Variants in AGPAT4 observed in about 807,000 individuals in gnomAD.
AGPAT4 encodes 1-acyl-sn-glycerol-3-phosphate acyltransferase delta.
In AGPAT4, 15 loss-of-function variants were observed where a neutral mutation model predicts 48.0. The ratio of observed to expected loss-of-function variants is 0.31; its 90% CI spans 0.21 to 0.48. The LOEUF (loss-of-function observed/expected upper bound fraction) is 0.48, where lower values mean the gene tolerates loss of function less well. Ranked by LOEUF, AGPAT4 falls within the 20% of genes least tolerant of loss-of-function variation. The pLI is 0.99. For missense variants in AGPAT4, 314 were observed against 482.5 expected (o/e 0.65, Z 3.27); for synonymous variants, 178 against 198.7 (o/e 0.90, Z 0.88).
In AGPAT4 at chr6:161,139,704, G is replaced by A. The variant is rs1319086269; in HGVS notation, c.844-84C>T. 14 of 1,278,722 alleles carry A rather than the reference G, an allele frequency of 1.1e-5. No individual in the cohort carries two copies. Among genetic ancestry groups the A allele is most frequent in the African/African-American group, 4.5e-5 (3 of 67,148 alleles). The allele number at this position is 1,278,722 out of a possible 1,614,324, so 79.2% of individuals were successfully genotyped here. A position where few individuals can be genotyped will look rare whatever the true frequency, so the allele number is the denominator to read the frequency against. Reference sequence around the variant, plus strand: ...CCGAGGCCCTGCTTCCAAGGGAATCGCAGAGATACACAGGTGCCACCGGGG... The same window carrying A: ...CCGAGGCCCTGCTTCCAAGGGAATCACAGAGATACACAGGTGCCACCGGGG... On this transcript the variant is annotated intron_variant, in intron 7 of 8. Coordinates refer to ENST00000320285, the MANE Select transcript of AGPAT4 (RefSeq NM_020133.3). The surrounding 1 kb of genome is among the most constrained non-coding windows in gnomAD (Gnocchi z 9.1).
chr6:161,144,986 A>AT lies in AGPAT4; in HGVS notation c.843+1537_843+1538insA, dbSNP rs1779375077. Among the ~76,000 whole-genome samples the AT allele has an allele frequency of 1.3e-5, 2 of 151,720 alleles. No individual in the cohort carries two copies. Among genetic ancestry groups the AT allele is most frequent in the Admixed American group, 6.5e-5 (1 of 15,284 alleles). The stretch of plus-strand genomic sequence containing the variant: ...ACAGAGTGAAACTCAGTCTCAAAAA[A>AT]AAAAAATAAAAAAAGTAACATTTTA... On this transcript the variant is annotated intron_variant, in intron 7 of 8. Coordinates refer to ENST00000320285, the MANE Select transcript of AGPAT4 (RefSeq NM_020133.3). The surrounding 1 kb of genome is among the most constrained non-coding windows in gnomAD (Gnocchi z 6.6).
rs573719167 is a variant in AGPAT4 at position 161,216,215 on chromosome 6, G to A, written c.178+15821C>T. ...GTCTCTGAAAGGGTTCTGAACCCAC[G>A]TTGGGGTTGGGTGGGAATAACTCAA... On this transcript the variant is annotated intron_variant, in intron 2 of 8. Coordinates refer to ENST00000320285, the MANE Select transcript of AGPAT4 (RefSeq NM_020133.3). The surrounding 1 kb of genome is among the most constrained non-coding windows in gnomAD (Gnocchi z 4.8). Among the ~76,000 whole-genome samples, 2 of 152,298 alleles carry A rather than the reference G, an allele frequency of 1.3e-5. No individual in the cohort carries two copies. Among genetic ancestry groups the A allele is most frequent in the South Asian group, 2.1e-4 (1 of 4,818 alleles).
chr6:161,170,467 G>GCACA (rs1491174141), intron 2 of AGPAT4, among the ~76,000 whole-genome samples: 2 of 22,256 alleles, frequency 9.0e-5, no homozygotes, highest in African/African-American at 2.3e-4. Flanking sequence ...GCACACGTGC[G>GCACA]CGCGCGCACA....
rs1046229852 is a variant in AGPAT4, at chr6:161,266,037, G to A, written c.-90+7901C>T. ...ATTCCTGAGTGTACCTGACAGAGCCGGGAATTCCCCCTCAAGCAGTGGTTC... is the reference window on the plus strand; with the variant it reads ...ATTCCTGAGTGTACCTGACAGAGCCAGGAATTCCCCCTCAAGCAGTGGTTC... On this transcript the variant is annotated intron_variant, in intron 1 of 8. Coordinates refer to ENST00000320285, the MANE Select transcript of AGPAT4 (RefSeq NM_020133.3). This position sits in a 1 kb window ranked among gnomAD's most constrained non-coding sequence, Gnocchi z 6.2. 9.9e-5 allele frequency among the ~76,000 whole-genome samples: 15 copies of A among 152,206 alleles called. No individual in the cohort carries two copies. The highest frequency in any genetic ancestry group is 2.4e-4 in the African/African-American group (10 of 41,536).
chr6:161,163,940 G>A (rs2114977561), intron 3 of AGPAT4, among the ~76,000 whole-genome samples: 1 of 152,314 alleles, frequency 6.6e-6, no homozygotes, highest in African/African-American at 2.4e-5. Context: ...CAGTGGCAGG[G>A]CGCAGACCCC....
chr6:161,172,942 C>T (rs1780314904), intron 2 of AGPAT4, among the ~76,000 whole-genome samples: 1 of 152,142 alleles, frequency 6.6e-6, no homozygotes, highest in Non-Finnish European at 1.5e-5. Context: ...TGGTTTCCAG[C>T]TTCATCCATA....
intron 2 of AGPAT4, among the ~76,000 whole-genome samples, chr6:161,224,260 T>C (rs950218893): frequency 1.3e-4 from 20 of 152,176 alleles, no homozygotes; most frequent in African/African-American, 4.6e-4. Context: ...AAACATGGGA[T>C]GGATGGATGG....
At chr6:161,168,254 G>A (rs991790874) in intron 2 of AGPAT4, among the ~76,000 whole-genome samples, 2 of 152,158 alleles carry the variant, frequency 1.3e-5, no homozygotes, top group African/African-American at 4.8e-5. Context: ...CCAAGCCCGA[G>A]GATGGGAAGG....
rs12202278 is a variant in AGPAT4, at chr6:161,234,918, C to T, written c.-89-2616G>A. The stretch of plus-strand genomic sequence containing the variant: ...ATTTCAAGGTAAATTGAAATTTTAC[C>T]GTGCGTAAAACCCTCACTAGCAATG... On this transcript the variant is annotated intron_variant, in intron 1 of 8. Transcript: ENST00000320285. This position sits in a 1 kb window ranked among gnomAD's most constrained non-coding sequence, Gnocchi z 4.4. Among the ~76,000 whole-genome samples the T allele has an allele frequency of 0.11, 15,952 of 151,648 alleles. 1,109 individuals carry two copies. Among genetic ancestry groups the T allele is most frequent in the Non-Finnish European group, 0.16 (10,779 of 67,946 alleles).
rs545006658 is a variant in AGPAT4, at chr6:161,242,961, A to C, written c.-89-10659T>G. 3.3e-5 allele frequency among the ~76,000 whole-genome samples: 5 copies of C among 151,992 alleles called. No homozygotes were observed. The highest frequency in any genetic ancestry group is 7.4e-5 in the Non-Finnish European group (5 of 68,000). Reference sequence around the variant, plus strand: ...CACGTGCCTCCCAGCTACTCGGGAGACTGAAGCAGGAGAATTGATTGAACC... The same window carrying C: ...CACGTGCCTCCCAGCTACTCGGGAGCCTGAAGCAGGAGAATTGATTGAACC... On this transcript the variant is annotated intron_variant, in intron 1 of 8. Transcript: ENST00000320285. The surrounding 1 kb of genome is among the most constrained non-coding windows in gnomAD (Gnocchi z 5.0).
At position 161,206,674 on chromosome 6, in the gene AGPAT4, A is replaced by G. The variant is rs897071930; in HGVS notation, c.178+25362T>C. 6.0e-5 allele frequency among the ~76,000 whole-genome samples: 9 copies of G among 149,512 alleles called. No individual in the cohort carries two copies. The highest frequency in any genetic ancestry group is 2.0e-4 in the African/African-American group (8 of 39,632). ...CAAGGACCAGGAAAATCACAACTTG[A>G]AAGAGAAAAAGACAATTGACACATG... On this transcript the variant is annotated intron_variant, in intron 2 of 8. Coordinates refer to ENST00000320285, the MANE Select transcript of AGPAT4 (RefSeq NM_020133.3). This position sits in a 1 kb window ranked among gnomAD's most constrained non-coding sequence, Gnocchi z 4.8.
chr6:161,174,837 T>C (rs1032296707), intron 2 of AGPAT4, among the ~76,000 whole-genome samples: 2 of 152,228 alleles, frequency 1.3e-5, no homozygotes, highest in South Asian at 2.1e-4. Context: ...ACCTAGTTTA[T>C]TGAGAGTTTT....
chr6:161,264,877 A>AC lies in AGPAT4; in HGVS notation c.-90+9060dup, dbSNP rs533003145. Among the ~76,000 whole-genome samples the AC allele has an allele frequency of 3.9e-5, 6 of 151,976 alleles. No individual in the cohort carries two copies. Among genetic ancestry groups the AC allele is most frequent in the Non-Finnish European group, 8.8e-5 (6 of 67,946 alleles). ...AGGGTCACCCAGGACTAGTTATGGG[A>AC]CCCCTAGAGTCCCCCAGGGCTGGGG... On this transcript the variant is annotated intron_variant, in intron 1 of 8. Transcript: ENST00000320285. This position sits in a 1 kb window ranked among gnomAD's most constrained non-coding sequence, Gnocchi z 6.8.
chr6:161,256,616 C>T (rs1292663912), intron 1 of AGPAT4, among the ~76,000 whole-genome samples: 2 of 152,220 alleles, frequency 1.3e-5, no homozygotes, highest in African/African-American at 4.8e-5. Context: ...GGAGCTGACA[C>T]GTCCTCCCTG....
At chr6:161,186,815 T>C (rs1312227346) in intron 2 of AGPAT4, among the ~76,000 whole-genome samples, 1 of 152,172 alleles carries the variant, frequency 6.6e-6, no homozygotes, top group Non-Finnish European at 1.5e-5. Flanking sequence ...TACCCCAAGC[T>C]CTGGGTTCTT....
intron 3 of AGPAT4, among the ~76,000 whole-genome samples, chr6:161,163,205 C>T (rs909080208): frequency 5.3e-5 from 8 of 152,238 alleles, no homozygotes; most frequent in South Asian, 2.1e-4. Context: ...ATGCCACCTT[C>T]GTGAATTTCT....
Position 161,180,973 on chromosome 6 carries a change from G to GGAGTTAAGGACA in AGPAT4, c.179-14557_179-14556insTGTCCTTAACTC. Among the ~76,000 whole-genome samples the GGAGTTAAGGACA allele has an allele frequency of 6.6e-6, 1 of 152,316 alleles. No individual in the cohort carries two copies. Among genetic ancestry groups the GGAGTTAAGGACA allele is most frequent in the Non-Finnish European group, 1.5e-5 (1 of 68,034 alleles). On this transcript the variant is annotated intron_variant, in intron 2 of 8. Coordinates refer to ENST00000320285, the MANE Select transcript of AGPAT4 (RefSeq NM_020133.3). The surrounding 1 kb of genome is among the most constrained non-coding windows in gnomAD (Gnocchi z 6.4). ...AAACAAAGTGGAGTTAAGGAAGAAA[G>GGAGTTAAGGACA]GCCTCTGCTGTCCTATCTGTAAAGA...
chr6:161,253,445 G>A (rs373713620), intron 1 of AGPAT4, among the ~76,000 whole-genome samples: 3 of 151,092 alleles, frequency 2.0e-5, no homozygotes, highest in Admixed American at 6.6e-5. Flanking sequence ...TAGTAGAGAC[G>A]GGGTTTCACG....
chr6:161,182,783 C>G (rs1311326932), intron 2 of AGPAT4, among the ~76,000 whole-genome samples: 1 of 152,234 alleles, frequency 6.6e-6, no homozygotes, highest in Non-Finnish European at 1.5e-5. Flanking sequence ...GACATAGCCT[C>G]TAAAACCCAG....
Sources: allele counts gnomAD v4.1 joint callset (sites outside exome capture counted in the v4.1 genomes callset), GRCh38; gene constraint gnomAD v4.1.1; non-coding constraint Gnocchi (gnomAD v3.1); transcripts MANE v1.5; gene names NCBI Gene and HGNC (gene_info 2026-07-23, HGNC 2026-07-21).